Variants in CNOT6L observed in about 807,000 individuals in gnomAD.
CNOT6L encodes CCR4-NOT transcription complex subunit 6 like.
CNOT6L carries 7 observed loss-of-function variants against 64.0 expected under a neutral mutation model. That is an observed-to-expected ratio of 0.11 (90% CI 0.06 to 0.21). CNOT6L has a LOEUF of 0.21. CNOT6L is among the 10% of genes least tolerant of loss of function. The pLI is 1.00. For missense variants in CNOT6L, 245 were observed against 669.0 expected (o/e 0.37, Z 6.99); for synonymous variants, 193 against 243.4 (o/e 0.79, Z 1.93).
intron 5 of CNOT6L, among the ~76,000 whole-genome samples, chr4:77,754,888 T>TGAAAAAAAAAAA (rs1725293430): frequency 2.7e-5 from 1 of 36,956 alleles, no homozygotes; most frequent in Non-Finnish European, 4.7e-5. Flanking sequence ...ACATTAGAAG[T>TGAAAAAAAAAAA]AAAAAAAAAA....
chr4:77,779,074 C>CAAAAA (rs1560420025), intron 1 of CNOT6L, among the ~76,000 whole-genome samples: 2 of 74,156 alleles, frequency 2.7e-5, no homozygotes, highest in Non-Finnish European at 5.3e-5. Flanking sequence ...AAAAAAAAAA[C>CAAAAA]ACAAAAAACA....
chr4:77,772,921 TCAAACAAACAAA>T (rs535647597), intron 4 of CNOT6L, among the ~76,000 whole-genome samples, 148 bp downstream of exon 4: 1 of 152,070 alleles, frequency 6.6e-6, no homozygotes, highest in Non-Finnish European at 1.5e-5. Flanking sequence ...AGACTCCGTC[TCAAACAAACAAA>T]CAAACAAACA....
intron 4 of CNOT6L, among the ~76,000 whole-genome samples, chr4:77,760,758 G>A (rs747881418): frequency 1.3e-5 from 2 of 148,224 alleles, no homozygotes; most frequent in African/African-American, 5.0e-5. Flanking sequence ...GTGCAGTGGT[G>A]CAATCTGGAC....
At chr4:77,787,487 G>A (rs1412586481) in intron 1 of CNOT6L, among the ~76,000 whole-genome samples, 1 of 152,082 alleles carries the variant, frequency 6.6e-6, no homozygotes, top group Non-Finnish European at 1.5e-5. Context: ...CTTGTCACTT[G>A]CCATCATAAA....
chr4:77,765,335 ATTC>A (rs1174201201), intron 4 of CNOT6L, among the ~76,000 whole-genome samples: 2 of 151,754 alleles, frequency 1.3e-5, no homozygotes, highest in Non-Finnish European at 2.9e-5. Context: ...CCATTCTTTT[ATTC>A]TTTTACTTTC....
intron 1 of CNOT6L, among the ~76,000 whole-genome samples, chr4:77,789,148 T>C (rs1405230304): frequency 6.6e-6 from 1 of 152,172 alleles, no homozygotes; most frequent in African/African-American, 2.4e-5. Context: ...AATGATTCAA[T>C]GCAGAGCTGT....
At chr4:77,819,445 A>G (rs1445733673), upstream of CNOT6L, 7 of 1,560,978 alleles carry the variant, frequency 4.5e-6, no homozygotes, top group South Asian at 1.1e-5. Context: ...ACGCAGACGC[A>G]AACACAAACA....
intron 1 of CNOT6L, among the ~76,000 whole-genome samples, chr4:77,786,633 C>A (rs910744984): frequency 6.6e-6 from 1 of 151,902 alleles, no homozygotes; most frequent in Non-Finnish European, 1.5e-5. Flanking sequence ...TACCACCCCA[C>A]GCCTGGCTAA....
intron 11 of CNOT6L, among the ~76,000 whole-genome samples, chr4:77,724,743 T>C (rs1220159086): frequency 6.6e-6 from 1 of 152,148 alleles, no homozygotes. Flanking sequence ...TACTAAACAC[T>C]TATTTTCGGG....
At chr4:77,745,579 C>A (rs1724103275) in intron 6 of CNOT6L, among the ~76,000 whole-genome samples, 1 of 152,178 alleles carries the variant, frequency 6.6e-6, no homozygotes, top group Non-Finnish European at 1.5e-5. Flanking sequence ...TGCAATTTAA[C>A]AAAATCTCCA....
chr4:77,783,712 G>A (rs1238032305), intron 1 of CNOT6L, among the ~76,000 whole-genome samples: 3 of 151,982 alleles, frequency 2.0e-5, no homozygotes, highest in Non-Finnish European at 4.4e-5. Context: ...ACACATACTA[G>A]TACATTTAAC....
At chr4:77,792,949 G>A (rs890920337) in intron 1 of CNOT6L, among the ~76,000 whole-genome samples, 1 of 150,382 alleles carries the variant, frequency 6.6e-6, no homozygotes, top group Non-Finnish European at 1.5e-5. Flanking sequence ...GGCTTGGCAG[G>A]GGTGCTACTG....
rs1486614607 is a variant in CNOT6L, at chr4:77,718,595, A to G, written c.*1836T>C. On this transcript the variant is annotated 3_prime_UTR_variant, in exon 12 of 12. Coordinates refer to ENST00000504123, the MANE Select transcript of CNOT6L (RefSeq NM_144571.3). ...ATAATAGATGACAAACAACGCCTCT[A>G]TCACTAGGCACTTTTAAAAGGGAGT... The G allele has an allele frequency of 1.3e-5, 2 of 152,584 alleles. No individual in the cohort carries two copies. Among genetic ancestry groups the G allele is most frequent in the South Asian group, 4.1e-4 (2 of 4,830 alleles). The allele number at this position is 152,584 out of a possible 1,614,324, so 9.5% of individuals were successfully genotyped here.
At chr4:77,731,666 C>A in intron 8 of CNOT6L, 128 bp from the exon 9 acceptor site, 2 of 653,824 alleles carry the variant, frequency 3.1e-6, no homozygotes, top group Admixed American at 3.5e-5. Context: ...TGATACAGTT[C>A]TGGCCACTAA....
intron 1 of CNOT6L, among the ~76,000 whole-genome samples, chr4:77,794,324 C>T (rs781020643): frequency 6.6e-6 from 1 of 151,802 alleles, no homozygotes; most frequent in East Asian, 1.9e-4. Context: ...TCAAATGAAA[C>T]AAGAGTGCAA....
At chr4:77,793,554 T>A (rs1730424873) in intron 1 of CNOT6L, among the ~76,000 whole-genome samples, 1 of 152,140 alleles carries the variant, frequency 6.6e-6, no homozygotes, top group Non-Finnish European at 1.5e-5. Flanking sequence ...CAGCAGAGAC[T>A]ACATCATGCT....
chr4:77,812,595 T>G (rs1275017308), intron 1 of CNOT6L, among the ~76,000 whole-genome samples: 1 of 151,538 alleles, frequency 6.6e-6, no homozygotes, highest in Non-Finnish European at 1.5e-5. Flanking sequence ...TCTGGAAGAA[T>G]AAAATACTTG....
chr4:77,797,020 C>A (rs1730923864), intron 1 of CNOT6L, among the ~76,000 whole-genome samples: 1 of 138,914 alleles, frequency 7.2e-6, no homozygotes, highest in Non-Finnish European at 1.5e-5. Context: ...GAGGTCCAGG[C>A]TGCAGTGAGC....
At chr4:77,725,423 G>C (rs371735289) in intron 11 of CNOT6L, among the ~76,000 whole-genome samples, 4 of 152,306 alleles carry the variant, frequency 2.6e-5, no homozygotes, top group East Asian at 1.9e-4. Context: ...AAGTCAAAGA[G>C]AGGTATAATA....
Sources: allele counts gnomAD v4.1 joint callset (sites outside exome capture counted in the v4.1 genomes callset), GRCh38; gene constraint gnomAD v4.1.1; transcripts MANE v1.5; gene names NCBI Gene and HGNC (gene_info 2026-07-23, HGNC 2026-07-21).